Variants in MEGF8 observed in about 807,000 individuals in gnomAD.
MEGF8 encodes the protein multiple EGF like domains 8, also known as multiple epidermal growth factor-like domains protein 8.
MEGF8 carries 156 observed loss-of-function variants against 302.9 expected under a neutral mutation model. The ratio of observed to expected loss-of-function variants is 0.52; its 90% confidence interval spans 0.45 to 0.59. MEGF8 has a LOEUF of 0.59. MEGF8 is among the 20% of genes least tolerant of loss of function. The probability of loss-of-function intolerance (pLI) is 0.00; values close to 1 mark genes in which losing one functional copy is unlikely to be tolerated. For synonymous variants in MEGF8, 1,621 were observed against 1,660.5 expected, an observed-to-expected ratio of 0.98 and a Z score of 0.58; for missense variants, 3,345 against 3,964.5, an observed-to-expected ratio of 0.84 and a Z score of 4.20.
At chr19:42,332,823 A>T (rs1222074911) in intron 1 of MEGF8, among the ~76,000 whole-genome samples, 2 of 152,212 alleles carry the variant, frequency 1.3e-5, no homozygotes, top group African/African-American at 4.8e-5. Context: ...CTCTTCCCAG[A>T]TACGAGAGGC....
Position 42,352,784 on chromosome 19 carries a change from C to T in MEGF8, c.3351-144C>T. 1.5e-6 allele frequency: 1 copy of T among 679,938 alleles called. No individual in the cohort carries two copies. 42.1% of individuals were successfully genotyped at this position (679,938 alleles called of 1,614,324 possible). On this transcript the variant is annotated intron_variant, in intron 19 of 41. Coordinates refer to ENST00000251268, the MANE Select transcript of MEGF8 (RefSeq NM_001271938.2). This position sits in a 1 kb window ranked among gnomAD's most constrained non-coding sequence, Gnocchi z 4.4. ...CAGGCTTGGTGATGCATGGAGTTAC[C>T]TTGGAGACAGGGTCACCCACATAGC...
intron 41 of MEGF8, among the ~76,000 whole-genome samples, chr19:42,374,894 C>G (rs981290537): frequency 6.6e-6 from 1 of 152,154 alleles, no homozygotes; most frequent in East Asian, 1.9e-4. Context: ...GAAGGAGGCT[C>G]TTGAGCAAAG....
At chr19:42,331,939 A>C (rs10412954) in intron 1 of MEGF8, among the ~76,000 whole-genome samples, 1,815 of 150,818 alleles carry the variant, frequency 0.012, 45 homozygotes, top group African/African-American at 0.042. Context: ...GCTCACTGCA[A>C]CCTCTGCCTC....
intron 3 of MEGF8, 139 bp from the exon 4 acceptor site, chr19:42,334,896 C>G: frequency 2.4e-6 from 2 of 823,508 alleles, no homozygotes; most frequent in East Asian, 2.8e-5. Context: ...TCCATCCTCT[C>G]CCTTCCTGTC....
At position 42,333,472 on chromosome 19, in the gene MEGF8, G is replaced by A. The variant is rs375374959; in HGVS notation, c.188-133G>A. The A allele has an allele frequency of 1.9e-5, 19 of 994,552 alleles. No individual in the cohort carries two copies. The East Asian group carries it at 4.9e-4, about 26-fold the overall frequency. 61.6% of individuals were successfully genotyped at this position (994,552 alleles called of 1,614,324 possible). A position where few individuals can be genotyped will look rare whatever the true frequency, so the allele number is the denominator to read the frequency against. ...AGACTGGGGGCCCCTTCAAGGCGGG[G>A]CCCAGGTCTGACTCATTCTTGAGCC... On this transcript the variant is annotated intron_variant, in intron 1 of 41. Coordinates refer to ENST00000251268, the MANE Select transcript of MEGF8 (RefSeq NM_001271938.2).
At chr19:42,372,074 A>ACAAACAC (rs1555784681) in intron 41 of MEGF8, among the ~76,000 whole-genome samples, 37 of 79,228 alleles carry the variant, frequency 4.7e-4, no homozygotes, top group South Asian at 8.4e-4. Context: ...AACAACAACA[A>ACAAACAC]ACACACACAC....
chr19:42,326,373 G>T lies in MEGF8; in HGVS notation c.130G>T (p.Val44Leu), dbSNP rs777559070. 6 of 1,584,868 alleles carry T rather than the reference G, an allele frequency of 3.8e-6. No individual in the cohort carries two copies. The highest frequency in any genetic ancestry group is 5.1e-6 in the Non-Finnish European group (6 of 1,168,444). The change falls in exon 1 of 42, where the codon GTG becomes TTG. Residue 44 changes from valine (V) to leucine (L), a missense_variant. Coordinates refer to ENST00000251268, the MANE Select transcript of MEGF8 (RefSeq NM_001271938.2). ...GGTGCTGCGGGAGGCGCCAGGCTTC[G>T]TGACGGATGGTGCGGGCAACTACAG... ...RQVLREAPGF[V>L]TDGAGNYSVN... is the part of the protein sequence containing the mutation.
chr19:42,336,338 C>T lies in MEGF8; in HGVS notation c.1236C>T (p.Ser412=), dbSNP rs772465428. 1.9e-6 allele frequency: 3 copies of T among 1,595,130 alleles called. No homozygotes were observed. Among genetic ancestry groups the T allele is most frequent in the East Asian group, 2.2e-5 (1 of 44,692 alleles). ...ALLVHGGHRP[S]TARFSVRVNS... ...TGGTCCATGGTGGACACCGGCCCTC[C>T]ACTGCCCGGTAAGTGACCTGTCCCA... The change falls in exon 6 of 42, where the codon TCC becomes TCT. Residue 412 remains serine (S), a synonymous_variant. Coordinates refer to ENST00000251268, the MANE Select transcript of MEGF8 (RefSeq NM_001271938.2). The surrounding 1 kb of genome is among the most constrained non-coding windows in gnomAD (Gnocchi z 4.8).
At chr19:42,337,842 C>T (rs773835014) in intron 8 of MEGF8, among the ~76,000 whole-genome samples, 5 of 150,012 alleles carry the variant, frequency 3.3e-5, no homozygotes, top group Admixed American at 6.6e-5. Flanking sequence ...CTCGCTCCGT[C>T]GCCCGGGCTA....
In MEGF8 at chr19:42,334,121, G is replaced by C; in HGVS notation, c.466G>C (p.Gly156Arg). 4 of 1,612,824 alleles carry C rather than the reference G, an allele frequency of 2.5e-6. No homozygotes were observed. The highest frequency in any genetic ancestry group is 3.4e-6 in the Non-Finnish European group (4 of 1,179,802). The change falls in exon 3 of 42, where the codon GGT (glycine) becomes CGT (arginine). Residue 156 changes from glycine (G) to arginine (R), a missense_variant. Gly to Arg is a moderately radical substitution (Grantham distance 125). Transcript: ENST00000251268. Reference sequence around the variant, plus strand: ...GAGCCACGGGCAGTGCCAGCCACCGGGTGTGTGTGCCTGCGAGCCGGGCTG... The same window carrying C: ...GAGCCACGGGCAGTGCCAGCCACCGCGTGTGTGTGCCTGCGAGCCGGGCTG... ...CQSHGQCQPPGVCACEPGWGG... is the reference protein window; with the variant it reads ...CQSHGQCQPPRVCACEPGWGG...
intron 31 of MEGF8, among the ~76,000 whole-genome samples, chr19:42,359,988 A>G (rs2039508453): frequency 6.6e-6 from 1 of 150,592 alleles, no homozygotes; most frequent in Admixed American, 6.6e-5. Context: ...TTTTCTCTTA[A>G]TCTGTCTTTT....
intron 2 of MEGF8, 99 bp from the exon 3 acceptor site, chr19:42,333,908 C>T (rs2039087360): frequency 6.6e-7 from 1 of 1,514,404 alleles, no homozygotes; most frequent in Non-Finnish European, 8.9e-7. Context: ...GGAGATGAGG[C>T]TCTGGGTCCC....
rs770471420 is a variant in MEGF8, at chr19:42,363,080, A to G, written c.6091A>G (p.Thr2031Ala). Reference sequence around the variant, plus strand: ...CCGCCGCATCCTCTCCGTGCAGCCCACCTATGACTGGACGTGCTTCAGCCA... The same window carrying G: ...CCGCCGCATCCTCTCCGTGCAGCCCGCCTATGACTGGACGTGCTTCAGCCA... ...ETRRILSVQP[T>A]YDWTCFSHSL... is the part of the protein sequence containing the mutation. The change falls in exon 35 of 42, where the codon ACC (threonine) becomes GCC (alanine). Residue 2031 changes from threonine (T) to alanine (A), a missense_variant. Transcript: ENST00000251268. 6.2e-7 allele frequency: 1 copy of G among 1,613,290 alleles called. No homozygotes were observed. Among genetic ancestry groups the G allele is most frequent in the South Asian group, 1.1e-5 (1 of 90,990 alleles).
At position 42,368,575 on chromosome 19, in the gene MEGF8, C is replaced by G; in HGVS notation, c.6394C>G (p.Arg2132Gly). ...AQATQCALCL[R>G]RPHCGWCAWG... The stretch of plus-strand genomic sequence containing the variant: ...GGCAACTCAGTGCGCCTTGTGCCTG[C>G]GGCGCCCCCATTGCGGCTGGTGTGC... The change falls in exon 36 of 42, where the codon CGG becomes GGG. Residue 2132 changes from arginine (R) to glycine (G), a missense_variant. Coordinates refer to ENST00000251268, the MANE Select transcript of MEGF8 (RefSeq NM_001271938.2). This position sits in a 1 kb window ranked among gnomAD's most constrained non-coding sequence, Gnocchi z 4.9. The G allele has an allele frequency of 1.3e-6, 2 of 1,586,918 alleles. No homozygotes were observed. Among genetic ancestry groups the G allele is most frequent in the Non-Finnish European group, 1.7e-6 (2 of 1,167,166 alleles).
rs760080459 is a variant in MEGF8 at position 42,336,970 on chromosome 19, TCCTG to T, written c.1390+32_1390+35del. On this transcript the variant is annotated intron_variant, in intron 7 of 41. Transcript: ENST00000251268. The surrounding 1 kb of genome is among the most constrained non-coding windows in gnomAD (Gnocchi z 4.8). ...GGTCTATGGTGAGGAGGCTCCCCAA[TCCTG>T]CCTGCCTGCCTGCTGAGGGCCTGAG... 1.9e-6 allele frequency: 3 copies of T among 1,613,510 alleles called. No homozygotes were observed. In the East Asian group the frequency reaches 6.7e-5, roughly 36 times the overall value.
intron 41 of MEGF8, among the ~76,000 whole-genome samples, chr19:42,373,883 T>A (rs1005961587): frequency 1.3e-5 from 2 of 151,994 alleles, no homozygotes; most frequent in Admixed American, 6.6e-5. Flanking sequence ...TGGCTAATTT[T>A]AAAAAAATTT....
Position 42,335,320 on chromosome 19 carries a change from G to A in MEGF8, c.763G>A (p.Gly255Ser), listed in dbSNP as rs773873521. Residue 255 changes from glycine to serine, a missense_variant, in exon 5 of 42, where the codon GGT becomes AGT. Coordinates refer to ENST00000251268, the MANE Select transcript of MEGF8 (RefSeq NM_001271938.2). Reference protein sequence around the residue: ...FGGQDLNNALGDLVLYNFSAN... With the variant: ...FGGQDLNNALSDLVLYNFSAN... ...AGGCCAGGACCTCAACAATGCCCTG[G>A]GTGACCTCGTCCTATACAACTTCTC... is the stretch of plus-strand genomic sequence containing the variant. The A allele has an allele frequency of 2.5e-6, 4 of 1,614,004 alleles. No homozygotes were observed. The South Asian group carries it at 4.4e-5, about 18-fold the overall frequency.
intron 32 of MEGF8, among the ~76,000 whole-genome samples, chr19:42,361,506 G>A (rs2039531284): frequency 6.6e-6 from 1 of 152,208 alleles, no homozygotes; most frequent in Non-Finnish European, 1.5e-5. Flanking sequence ...TGTGTTGTCA[G>A]TTACTACAGG....
chr19:42,367,578 C>T (rs1024239356), intron 35 of MEGF8, among the ~76,000 whole-genome samples: 2 of 152,146 alleles, frequency 1.3e-5, no homozygotes, highest in African/African-American at 2.4e-5. Flanking sequence ...TTCTAAGAAA[C>T]TGTGGTTTGC....
Sources: allele counts gnomAD v4.1 joint callset (sites outside exome capture counted in the v4.1 genomes callset), GRCh38; gene constraint gnomAD v4.1.1; non-coding constraint Gnocchi (gnomAD v3.1); transcripts MANE v1.5; gene names NCBI Gene and HGNC (gene_info 2026-07-23, HGNC 2026-07-21).